Variants in MED23 observed in about 807,000 individuals in gnomAD.
MED23 encodes mediator complex subunit 23, also known as mediator of RNA polymerase II transcription subunit 23.
MED23 carries 105 observed loss-of-function variants against 163.9 expected under a neutral mutation model. The ratio of observed to expected loss-of-function variants is 0.64; its 90% CI spans 0.55 to 0.75. MED23 has a LOEUF of 0.75. MED23 is among the 30% of genes least tolerant of loss of function. The pLI is 0.00. For synonymous variants in MED23, 561 were observed against 565.6 expected (o/e 0.99, Z 0.12); for missense variants, 1,054 against 1,649.0 (o/e 0.64, Z 6.25).
intron 25 of MED23, 137 bp from the exon 26 acceptor site, chr6:131,591,664 G>A (rs933703489): frequency 8.5e-6 from 6 of 706,030 alleles, no homozygotes; most frequent in Non-Finnish European, 9.8e-6. Flanking sequence ...GGGTGGCTTT[G>A]TAACTGGTCA....
chr6:131,592,811 C>G, intron 24 of MED23, 195 bp downstream of exon 24: 1 of 673,088 alleles, frequency 1.5e-6, no homozygotes, highest in Non-Finnish European at 2.5e-6. Context: ...TAGGAACAAA[C>G]CCGGATCTTA....
At chr6:131,592,552 T>A in intron 24 of MED23, 92 bp from the exon 25 acceptor site, 1 of 1,107,692 alleles carries the variant, frequency 9.0e-7, no homozygotes. Flanking sequence ...TATGTCTAAT[T>A]CAGAGGATCG....
rs146599947 is a variant in MED23 at position 131,591,433 on chromosome 6, C to T, written c.3566G>A (p.Arg1189His). 1.5e-5 allele frequency: 24 copies of T among 1,613,788 alleles called. No homozygotes were observed. Among genetic ancestry groups the T allele is most frequent in the South Asian group, 8.8e-5 (8 of 91,064 alleles). Reference protein sequence around the residue: ...SETEWVGYPFRLFDFTACHQS... With the variant: ...SETEWVGYPFHLFDFTACHQS... ...ATGACAGGCAGTGAAATCAAAGAGG[C>T]GGAATGGATAGCCAACCCACTCTGT... The change falls in exon 26 of 29, where the codon CGC becomes CAC. Residue 1189 changes from arginine (R) to histidine (H), a missense_variant. By Grantham distance (29) the Arg-to-His change is conservative (BLOSUM62 0). Coordinates refer to ENST00000368068, the MANE Select transcript of MED23 (RefSeq NM_004830.4).
At chr6:131,590,177 A>C (rs934837929) in intron 27 of MED23, 145 bp downstream of exon 27, 1 of 690,974 alleles carries the variant, frequency 1.4e-6, no homozygotes, top group African/African-American at 1.8e-5. Context: ...TGGCAAACTA[A>C]GTCCTCTAAA....
chr6:131,583,416 G>A, downstream of MED23: 2 of 1,614,130 alleles, frequency 1.2e-6, no homozygotes, highest in East Asian at 2.2e-5. Flanking sequence ...TTTCACACCA[G>A]CTACTGGCAC....
At chr6:131,599,085 G>A (rs1406086317) in intron 18 of MED23, among the ~76,000 whole-genome samples, 2 of 152,176 alleles carry the variant, frequency 1.3e-5, no homozygotes, top group East Asian at 3.8e-4. Context: ...GGCTACATAT[G>A]TTAGTGTCTT....
intron 11 of MED23, 102 bp downstream of exon 11, chr6:131,609,944 A>G: frequency 8.8e-7 from 1 of 1,141,828 alleles, no homozygotes; most frequent in Non-Finnish European, 1.3e-6. Context: ...ATTAGGGCTC[A>G]GAACTTCTGT....
chr6:131,593,311 AT>A, intron 23 of MED23, 140 bp from the exon 24 acceptor site: 4 of 1,016,586 alleles, frequency 3.9e-6, no homozygotes, highest in Non-Finnish European at 6.0e-6. Context: ...TGAGTTTGAC[AT>A]GATTGAAATG....
In MED23 at chr6:131,599,872, C is replaced by A. The variant is rs117712954; in HGVS notation, c.2220+166G>T. ...ATCCCCCTTGCCTCAGCCTCTCAAG[C>A]AGTTAAGACTAGAGGCTTGTGCCAC... On this transcript the variant is annotated intron_variant, in intron 18 of 28. Coordinates refer to ENST00000368068, the MANE Select transcript of MED23 (RefSeq NM_004830.4). Among the ~76,000 whole-genome samples the A allele has an allele frequency of 2.9e-3, 448 of 152,034 alleles. 1 individual carries two copies. The highest frequency in any genetic ancestry group is 5.2e-3 in the Non-Finnish European group (356 of 67,990).
In MED23 at chr6:131,600,163, C is replaced by A; in HGVS notation, c.2096-1G>T. On this transcript the variant is annotated splice_acceptor_variant, in intron 17 of 28. Transcript: ENST00000368068. LOFTEE classifies it high-confidence loss of function. ...ATTGAATCAGAGCCTGTAAAAAAAT[C>A]TAAACATAAACAAATAGATGTAATC... 2 of 1,604,518 alleles carry A rather than the reference C, an allele frequency of 1.2e-6. No homozygotes were observed. The highest frequency in any genetic ancestry group is 1.7e-4 in the Middle Eastern group (1 of 6,042).
chr6:131,583,977 A>G (rs1381185470), downstream of MED23: 3 of 1,550,990 alleles, frequency 1.9e-6, no homozygotes, highest in African/African-American at 1.4e-5. Context: ...TTTCTTAAGC[A>G]TAGAGTTATC....
chr6:131,618,399 C>A lies in MED23; in HGVS notation c.780+8G>T, dbSNP rs183739001. 6 of 1,588,704 alleles carry A rather than the reference C, an allele frequency of 3.8e-6. No homozygotes were observed. The South Asian group carries it at 5.5e-5, about 15-fold the overall frequency. On this transcript the variant is annotated splice_region_variant and intron_variant, in intron 9 of 28. Coordinates refer to ENST00000368068, the MANE Select transcript of MED23 (RefSeq NM_004830.4). ...GGACTAAAAGTGCCATTATATTTAG[C>A]AACATACCTTATCATATGGCAAAAG...
chr6:131,604,589 C>T (rs964634560), intron 14 of MED23, among the ~76,000 whole-genome samples: 1 of 152,130 alleles, frequency 6.6e-6, no homozygotes, highest in African/African-American at 2.4e-5. Flanking sequence ...TAAGAGCATG[C>T]TTGAGGGATT....
At position 131,627,684 on chromosome 6, in the gene MED23, A is replaced by AAAC. The variant is rs1554258454; in HGVS notation, c.40-13_40-12insGTT. Reference sequence around the variant, plus strand: ...ATAACTTCCGTTTTCTGTAAAAAAAAAAAAAACAAAATGTAAACAATGTTA... The same window carrying AAAC: ...ATAACTTCCGTTTTCTGTAAAAAAAAAACAAAAAACAAAATGTAAACAATGTTA... On this transcript the variant is annotated splice_polypyrimidine_tract_variant and intron_variant, in intron 1 of 28. Transcript: ENST00000368068. 1.9e-6 allele frequency: 3 copies of AAAC among 1,602,570 alleles called. No individual in the cohort carries two copies. The highest frequency in any genetic ancestry group is 4.5e-5 in the East Asian group (2 of 44,838).
At position 131,596,659 on chromosome 6, in the gene MED23, G is replaced by T; in HGVS notation, c.2637C>A (p.Ala879=). The change falls in exon 21 of 29, where the codon GCC becomes GCA. Residue 879 remains alanine, a synonymous_variant. Transcript: ENST00000368068. ...ACTGAATTATGAAATAACAAACCTG[G>T]GCTTCATTTCCTTCGTGACTACGCA... ...LAMRSHEGNE[A]QVCYFIIQLL... 1 of 1,614,060 alleles carries T rather than the reference G, an allele frequency of 6.2e-7. No homozygotes were observed. Among genetic ancestry groups the T allele is most frequent in the Non-Finnish European group, 8.5e-7 (1 of 1,180,008 alleles).
chr6:131,578,904 T>C (rs1315650812), intron 30 of MED23, among the ~76,000 whole-genome samples: 1 of 152,136 alleles, frequency 6.6e-6, no homozygotes, highest in Non-Finnish European at 1.5e-5. Flanking sequence ...GAGCCCAGTA[T>C]ACAGCCGCAC....
At chr6:131,622,557 TTGAC>T (rs1423560819) in intron 5 of MED23, among the ~76,000 whole-genome samples, 2 of 152,214 alleles carry the variant, frequency 1.3e-5, no homozygotes, top group African/African-American at 4.8e-5. Context: ...CATTTATTTA[TTGAC>T]TATGAACTAC....
intron 3 of MED23, among the ~76,000 whole-genome samples, chr6:131,625,610 A>T (rs1453128070): frequency 6.6e-6 from 1 of 152,228 alleles, no homozygotes; most frequent in East Asian, 1.9e-4. Flanking sequence ...TGTGGCACAT[A>T]TAACAATGAT....
At chr6:131,596,731 G>C in intron 20 of MED23, 43 bp from the exon 21 acceptor site, 1 of 1,588,062 alleles carries the variant, frequency 6.3e-7, no homozygotes, top group Non-Finnish European at 8.6e-7. Flanking sequence ...TGTTCAACCT[G>C]TGTAAAATCA....
Sources: gnomAD v4.1 joint callset for allele counts (sites outside exome capture counted in the v4.1 genomes callset) on GRCh38, gnomAD v4.1.1 for gene constraint, MANE v1.5 for transcripts, NCBI Gene and HGNC (gene_info 2026-07-23, HGNC 2026-07-21) for gene names.